Variants in PRKCQ observed in about 807,000 individuals in gnomAD.
The protein encoded by PRKCQ is protein kinase C theta type.
Under a neutral mutation model 91.2 loss-of-function variants are expected in PRKCQ, and 41 were observed. The ratio of observed to expected loss-of-function variants is 0.45; its 90% confidence interval spans 0.35 to 0.58. The LOEUF (loss-of-function observed/expected upper bound fraction) is 0.58, where lower values mean the gene tolerates loss of function less well. Among genes scored for constraint, PRKCQ ranks in the 20% least tolerant of loss-of-function variants. PRKCQ has a pLI of 0.00. For synonymous variants in PRKCQ, 307 were observed against 316.9 expected, an observed-to-expected ratio of 0.97 and a Z score of 0.33; for missense variants, 673 against 896.5, an observed-to-expected ratio of 0.75 and a Z score of 3.18.
At chr10:6,474,192 G>A (rs1292658925) in intron 12 of PRKCQ, among the ~76,000 whole-genome samples, 2 of 152,194 alleles carry the variant, frequency 1.3e-5, no homozygotes, top group Non-Finnish European at 2.9e-5. Flanking sequence ...TTGGGAGTGT[G>A]GGAGTCAAGG....
At chr10:6,528,382 A>G (rs1365081148) in intron 1 of PRKCQ, among the ~76,000 whole-genome samples, 1 of 151,942 alleles carries the variant, frequency 6.6e-6, no homozygotes, top group Admixed American at 6.5e-5. Context: ...ATCCTTGGCC[A>G]TGTCATAGGC....
At chr10:6,517,799 A>T (rs116170898) in intron 1 of PRKCQ, among the ~76,000 whole-genome samples, 1,448 of 141,694 alleles carry the variant, frequency 0.01, 18 homozygotes, top group African/African-American at 0.033. Flanking sequence ...AGAAGTAAGT[A>T]AACGCCATTC....
chr10:6,404,895 C>G, the PRKCQ span, among the ~76,000 whole-genome samples: 1 of 145,762 alleles, frequency 6.9e-6, no homozygotes, highest in Non-Finnish European at 1.5e-5. Flanking sequence ...CTTTCTTTCT[C>G]TCTCTCTCTC....
chr10:6,421,358 A>C, the PRKCQ span, among the ~76,000 whole-genome samples: 1 of 152,154 alleles, frequency 6.6e-6, no homozygotes, highest in Non-Finnish European at 1.5e-5. This position sits in a 1 kb window ranked among gnomAD's most constrained non-coding sequence, Gnocchi z 4.1. Flanking sequence ...GGTGGTGCAC[A>C]TCTGTGGTCC....
chr10:6,484,439 C>T (rs1836787889), intron 10 of PRKCQ, among the ~76,000 whole-genome samples: 1 of 152,088 alleles, frequency 6.6e-6, no homozygotes, highest in Admixed American at 6.6e-5. Flanking sequence ...AAAGATGCTG[C>T]CTATGTTGAT....
At chr10:6,533,354 T>C (rs1002388278) in intron 1 of PRKCQ, among the ~76,000 whole-genome samples, 2 of 152,162 alleles carry the variant, frequency 1.3e-5, no homozygotes, top group Non-Finnish European at 2.9e-5. Context: ...CCCACCATCA[T>C]GCCTGGCTAA....
the PRKCQ span, among the ~76,000 whole-genome samples, chr10:6,405,249 T>C: frequency 3.3e-5 from 5 of 152,278 alleles, no homozygotes; most frequent in South Asian, 8.3e-4. Context: ...TCCCAGAGTG[T>C]TGGGATTACA....
chr10:6,561,369 C>CAAAAAAAAAAAAAAA (rs3086735), intron 1 of PRKCQ, among the ~76,000 whole-genome samples: 4 of 82,638 alleles, frequency 4.8e-5, no homozygotes, highest in African/African-American at 9.7e-5. Flanking sequence ...GACCCTGTCT[C>CAAAAAAAAAAAAAAA]AAAAAAAAAA....
the PRKCQ span, among the ~76,000 whole-genome samples, chr10:6,415,183 C>T: frequency 1.3e-5 from 2 of 151,330 alleles, no homozygotes; most frequent in Admixed American, 6.6e-5. Context: ...GGTTGGTCTT[C>T]AACTCCTGAG....
At chr10:6,498,059 T>C (rs969099527) in intron 5 of PRKCQ, among the ~76,000 whole-genome samples, 2 of 152,142 alleles carry the variant, frequency 1.3e-5, no homozygotes, top group Admixed American at 6.5e-5. Flanking sequence ...GTTGGGCCAT[T>C]AGGTGGGGGA....
the PRKCQ span, among the ~76,000 whole-genome samples, chr10:6,413,474 T>TCACACA: frequency 8.3e-6 from 1 of 120,150 alleles, no homozygotes; most frequent in Non-Finnish European, 1.7e-5. Context: ...AAAAATTATG[T>TCACACA]CACACACACA....
chr10:6,473,699 C>G (rs1307892000), intron 12 of PRKCQ, among the ~76,000 whole-genome samples: 4 of 152,100 alleles, frequency 2.6e-5, no homozygotes, highest in Non-Finnish European at 5.9e-5. Context: ...GCTCCTAGCT[C>G]AACTGAAAGG....
chr10:6,524,974 A>T (rs981949029), intron 1 of PRKCQ, among the ~76,000 whole-genome samples: 2 of 152,208 alleles, frequency 1.3e-5, no homozygotes, highest in African/African-American at 4.8e-5. Flanking sequence ...TAGGCTTTCC[A>T]TCAGCTTTTA....
rs1441266832 is a variant in PRKCQ, at chr10:6,479,167, TAGA to T, written c.1180-5_1180-3del. On this transcript the variant is annotated splice_polypyrimidine_tract_variant and splice_region_variant and intron_variant, in intron 11 of 17. Coordinates refer to ENST00000263125, the MANE Select transcript of PRKCQ (RefSeq NM_006257.5). Reference sequence around the variant, plus strand: ...TTTCTTGAATTCTGCCAGGAAGACCTAGAAGGAGAGGGAAGAAGTAACTTTATT... The same window carrying T: ...TTTCTTGAATTCTGCCAGGAAGACCTAGGAGAGGGAAGAAGTAACTTTATT... The T allele has an allele frequency of 6.2e-7, 1 of 1,613,534 alleles. No individual in the cohort carries two copies.
At chr10:6,468,563 AT>A (rs1835803470) in intron 12 of PRKCQ, among the ~76,000 whole-genome samples, 1 of 152,254 alleles carries the variant, frequency 6.6e-6, no homozygotes, top group Admixed American at 6.5e-5. Flanking sequence ...TGCAAATAAG[AT>A]CAGATTTGTA....
intron 1 of PRKCQ, among the ~76,000 whole-genome samples, chr10:6,563,990 G>A (rs559884254): frequency 6.6e-6 from 1 of 152,186 alleles, no homozygotes; most frequent in Non-Finnish European, 1.5e-5. Flanking sequence ...GCAAAGTAAC[G>A]ATGTGAGCGT....
At chr10:6,404,709 CTT>C in the PRKCQ span, among the ~76,000 whole-genome samples, 1 of 137,026 alleles carries the variant, frequency 7.3e-6, no homozygotes, top group South Asian at 2.3e-4. Flanking sequence ...TTTTTTCTTT[CTT>C]TCTCTCTCTC....
chr10:6,426,120 T>A (rs1039979803), downstream of PRKCQ, among the ~76,000 whole-genome samples: 2 of 152,222 alleles, frequency 1.3e-5, no homozygotes, highest in African/African-American at 4.8e-5. Context: ...TTGCAGGATT[T>A]TGATTCAGAT....
chr10:6,480,388 A>T (rs147390196), intron 11 of PRKCQ, among the ~76,000 whole-genome samples: 49 of 152,352 alleles, frequency 3.2e-4, no homozygotes, highest in Admixed American at 1.0e-3. Flanking sequence ...TACTTTTCCC[A>T]CTTGATTTTG....
Sources: allele counts gnomAD v4.1 joint callset (sites outside exome capture counted in the v4.1 genomes callset), GRCh38; gene constraint gnomAD v4.1.1; non-coding constraint Gnocchi (gnomAD v3.1); transcripts MANE v1.5; gene names NCBI Gene and HGNC (gene_info 2026-07-23, HGNC 2026-07-21).